The following RAC1 variants were observed in gnomAD, a reference collection of about 807,000 sequenced individuals.
RAC1 encodes Rac family small GTPase 1.
RAC1 carries 2 observed loss-of-function variants against 25.2 expected under a neutral mutation model. The observed-to-expected ratio is 0.08, with a 90% CI of 0.03 to 0.25. The LOEUF is 0.25. RAC1 is among the 10% of genes least tolerant of loss of function. The pLI is 1.00. For missense variants in RAC1, 50 were observed against 235.7 expected (o/e 0.21, Z 5.16); for synonymous variants, 88 against 94.0 (o/e 0.94, Z 0.37).
chr7:6,400,210 G>GT, intron 4 of RAC1, 22 bp downstream of exon 4: 1 of 1,568,206 alleles, frequency 6.4e-7, no homozygotes, highest in South Asian at 1.1e-5. Flanking sequence ...TTTAAAATGT[G>GT]TATGTAAGTT....
At chr7:6,402,083 G>A in intron 5 of RAC1, 56 bp downstream of exon 5, 13 of 1,568,370 alleles carry the variant, frequency 8.3e-6, no homozygotes, top group Non-Finnish European at 1.1e-5. Flanking sequence ...TAGTGACAGA[G>A]ACTGGAGTCC....
chr7:6,380,993 T>C (rs1027049592), intron 1 of RAC1, among the ~76,000 whole-genome samples: 1 of 152,064 alleles, frequency 6.6e-6, no homozygotes, highest in South Asian at 2.1e-4. Context: ...CTCAGCCTCC[T>C]GAGTAGCTGG....
rs772946639 is a variant in RAC1, at chr7:6,379,738, TA to T, written c.35+4969del. 2.6e-4 allele frequency among the ~76,000 whole-genome samples: 40 copies of T among 152,248 alleles called. No individual in the cohort carries two copies. In the Middle Eastern group the frequency reaches 0.014, roughly 52 times the overall value. On this transcript the variant is annotated intron_variant, in intron 1 of 5. Coordinates refer to ENST00000348035, the MANE Select transcript of RAC1 (RefSeq NM_006908.5). ...ACAACAGTTTTATTATTTTATTTTT[TA>T]TTTTTTTATTGCTTATTACTATTTT...
At position 6,397,036 on chromosome 7, in the gene RAC1, C is replaced by CAA. The variant is rs151105670; in HGVS notation, c.226-3073_226-3072dup. On this transcript the variant is annotated intron_variant, in intron 3 of 5. Transcript: ENST00000348035. ...ACAGAGCGAGACTCCCTCTCAAAAA[C>CAA]AAAAAAAAAAAAAAAAAAGAAAAGA... Among the ~76,000 whole-genome samples, 26 of 80,216 alleles carry CAA rather than the reference C, an allele frequency of 3.2e-4. 1 individual carries two copies. Among genetic ancestry groups the CAA allele is most frequent in the East Asian group, 7.7e-4 (2 of 2,596 alleles). The allele number at this position is 80,216 out of a possible 152,430, so 52.6% of individuals were successfully genotyped here.
intron 2 of RAC1, 97 bp from the exon 3 acceptor site, chr7:6,391,827 G>A (rs1300962698): frequency 1.5e-5 from 23 of 1,583,162 alleles, no homozygotes; most frequent in South Asian, 3.4e-5. Context: ...CTCCAGGCCC[G>A]TCCCCAGCCT....
intron 1 of RAC1, among the ~76,000 whole-genome samples, chr7:6,384,055 A>G (rs1323665642): frequency 6.6e-6 from 1 of 151,884 alleles, no homozygotes; most frequent in Admixed American, 6.6e-5. Context: ...TTGGCCTCCC[A>G]AAGTGCTGGG....
At chr7:6,384,457 G>A (rs906986985) in intron 1 of RAC1, among the ~76,000 whole-genome samples, 4 of 152,266 alleles carry the variant, frequency 2.6e-5, no homozygotes, top group South Asian at 2.1e-4. Flanking sequence ...AAGAGGTAAC[G>A]TATTTCCCTA....
At chr7:6,395,239 T>G (rs1783202738) in intron 3 of RAC1, among the ~76,000 whole-genome samples, 1 of 152,182 alleles carries the variant, frequency 6.6e-6, no homozygotes, top group Non-Finnish European at 1.5e-5. Flanking sequence ...GTGCTGGGAT[T>G]ACAGGCGTGA....
intron 2 of RAC1, among the ~76,000 whole-genome samples, chr7:6,390,351 C>G (rs1181635877): frequency 6.6e-6 from 1 of 151,788 alleles, no homozygotes; most frequent in African/African-American, 2.4e-5. Context: ...CCTGTAATTC[C>G]AGCACTTTGG....
intron 3 of RAC1, 166 bp from the exon 4 acceptor site, chr7:6,399,960 G>A (rs1783349205): frequency 1.6e-6 from 1 of 625,348 alleles, no homozygotes; most frequent in South Asian, 2.0e-5. Context: ...GTTTGGTTTG[G>A]GAGCCCTCTG....
chr7:6,395,056 A>G (rs34902984), intron 3 of RAC1, among the ~76,000 whole-genome samples: 3,826 of 152,140 alleles, frequency 0.025, 84 homozygotes, highest in African/African-American at 0.051. Context: ...GGGTTTCACC[A>G]TGTTAGCCAG....
chr7:6,397,733 AT>A (rs1464802403), intron 3 of RAC1, among the ~76,000 whole-genome samples: 1 of 152,202 alleles, frequency 6.6e-6, no homozygotes, highest in Non-Finnish European at 1.5e-5. Context: ...CATGCCTGTA[AT>A]CCCAGCACGT....
At chr7:6,398,588 C>A in intron 3 of RAC1, 1 of 1,288,696 alleles carries the variant, frequency 7.8e-7, no homozygotes, top group Non-Finnish European at 1.1e-6. Flanking sequence ...AATAAAGAAT[C>A]GATAAGAGGT....
At chr7:6,397,036 C>CAAAAAAA (rs151105670) in intron 3 of RAC1, among the ~76,000 whole-genome samples, 8 of 80,132 alleles carry the variant, frequency 1.0e-4, no homozygotes, top group South Asian at 4.9e-4. Context: ...CTCTCAAAAA[C>CAAAAAAA]AAAAAAAAAA....
At chr7:6,390,942 G>T (rs1783075563) in intron 2 of RAC1, among the ~76,000 whole-genome samples, 2 of 151,978 alleles carry the variant, frequency 1.3e-5, no homozygotes. Flanking sequence ...TTGTTGCCCA[G>T]GCCGGAGTGC....
At chr7:6,381,606 G>C (rs1194410268) in intron 1 of RAC1, among the ~76,000 whole-genome samples, 2 of 151,992 alleles carry the variant, frequency 1.3e-5, no homozygotes, top group African/African-American at 4.8e-5. Flanking sequence ...TGCTGCCCAG[G>C]CTGGTCTTGA....
intron 3 of RAC1, among the ~76,000 whole-genome samples, chr7:6,394,866 T>C (rs1783186155): frequency 6.6e-6 from 1 of 151,762 alleles, no homozygotes; most frequent in Non-Finnish European, 1.5e-5. Flanking sequence ...TGTATTTTAT[T>C]TTTTTTGAGA....
intron 1 of RAC1, among the ~76,000 whole-genome samples, chr7:6,380,901 C>T (rs1782744095): frequency 6.6e-6 from 1 of 152,292 alleles, no homozygotes; most frequent in Middle Eastern, 3.4e-3. Flanking sequence ...TGGAGTCTTG[C>T]TCTGTTGCCC....
chr7:6,399,578 A>G (rs1783341036), intron 3 of RAC1, among the ~76,000 whole-genome samples: 1 of 152,152 alleles, frequency 6.6e-6, no homozygotes, highest in Non-Finnish European at 1.5e-5. Flanking sequence ...TGCTGACTCT[A>G]GGGCAGCGTG....
Sources: allele counts gnomAD v4.1 joint callset (sites outside exome capture counted in the v4.1 genomes callset), GRCh38; gene constraint gnomAD v4.1.1; transcripts MANE v1.5; gene names NCBI Gene and HGNC (gene_info 2026-07-23, HGNC 2026-07-21).